Variants in TCF4 observed in about 807,000 individuals in gnomAD.
TCF4 encodes the protein transcription factor 4, also known as SL3-3 enhancer factor 2.
TCF4 carries 3 observed loss-of-function variants against 82.1 expected under a neutral mutation model. That is an observed-to-expected ratio of 0.04 (90% confidence interval 0.02 to 0.09). The LOEUF is 0.09. Ranked by LOEUF, TCF4 falls within the 10% of genes least tolerant of loss-of-function variation. The probability of loss-of-function intolerance (pLI) is 1.00; values close to 1 mark genes in which losing one functional copy is unlikely to be tolerated. For synonymous variants in TCF4, 276 were observed against 309.6 expected (o/e 0.89, Z 1.14); for missense variants, 518 against 852.7 (o/e 0.61, Z 4.89).
intron 3 of TCF4, among the ~76,000 whole-genome samples, chr18:55,539,621 C>T (rs1236692168): frequency 2.6e-5 from 4 of 152,092 alleles, no homozygotes; most frequent in Admixed American, 1.3e-4. Flanking sequence ...ACAAACTTAT[C>T]CACTGTGGAC....
intron 3 of TCF4, among the ~76,000 whole-genome samples, chr18:55,468,891 C>CCAA (rs57616325): frequency 5.5e-5 from 7 of 127,798 alleles, no homozygotes; most frequent in African/African-American, 1.2e-4. Flanking sequence ...GCCCCCCCCC[C>CCAA]CCTTGTTCTA....
intron 16 of TCF4, 130 bp downstream of exon 16, chr18:55,234,418 A>G: frequency 7.4e-7 from 1 of 1,350,920 alleles, no homozygotes; most frequent in Non-Finnish European, 1.0e-6. Flanking sequence ...TTTCCTTACC[A>G]TTTTTGTGCC....
chr18:55,234,382 C>T (rs764141221), intron 16 of TCF4, 166 bp downstream of exon 16: 85 of 875,502 alleles, frequency 9.7e-5, no homozygotes, highest in Non-Finnish European at 1.3e-4. Flanking sequence ...ACACAATTAG[C>T]GGGCGAAGTT....
chr18:55,265,351 C>T (rs890871495), intron 11 of TCF4: 1 of 152,148 alleles, frequency 6.6e-6, no homozygotes, highest in East Asian at 1.9e-4. Context: ...ATGTGCTTAT[C>T]TATAAAGATG....
At chr18:55,385,218 C>G (rs761392757) in intron 6 of TCF4, among the ~76,000 whole-genome samples, 5 of 152,130 alleles carry the variant, frequency 3.3e-5, no homozygotes, top group Non-Finnish European at 5.9e-5. Context: ...CAGCATCAGC[C>G]TGTTTTAGAT....
intron 5 of TCF4, among the ~76,000 whole-genome samples, chr18:55,433,197 A>G (rs1466012891): frequency 6.6e-6 from 1 of 152,224 alleles, no homozygotes; most frequent in Non-Finnish European, 1.5e-5. Context: ...CTGTGTGCTA[A>G]GCCCAAAACA....
At chr18:55,234,238 C>T (rs932179709) in intron 16 of TCF4, among the ~76,000 whole-genome samples, 5 of 152,298 alleles carry the variant, frequency 3.3e-5, no homozygotes, top group Middle Eastern at 3.4e-3. Context: ...CAACTAACCA[C>T]ATTAGAGGAC....
At chr18:55,275,569 G>A (rs2061352505) in intron 10 of TCF4, 50 bp downstream of exon 10, 3 of 1,612,870 alleles carry the variant, frequency 1.9e-6, no homozygotes, top group African/African-American at 1.3e-5. Context: ...AGAGGACGAG[G>A]TTTAATCAAC....
At chr18:55,313,394 T>C (rs986834604) in intron 8 of TCF4, among the ~76,000 whole-genome samples, 3 of 152,154 alleles carry the variant, frequency 2.0e-5, no homozygotes, top group Non-Finnish European at 4.4e-5. Flanking sequence ...TAGTGTTAAC[T>C]AGTATCTTGC....
At position 55,253,493 on chromosome 18, in the gene TCF4, T is replaced by C. The variant is rs375897776; in HGVS notation, c.1350+1004A>G. On this transcript the variant is annotated intron_variant, in intron 15 of 19. Coordinates refer to ENST00000354452, the MANE Select transcript of TCF4 (RefSeq NM_001083962.2). ...CCACCACTCTGGTCACCTCATTAAT[T>C]GTCATCACTTAATATTCTATTAAGA... is the stretch of plus-strand genomic sequence containing the variant. Among the ~76,000 whole-genome samples the C allele has an allele frequency of 7.2e-5, 11 of 152,270 alleles. No homozygotes were observed. The East Asian group carries it at 1.2e-3, about 16-fold the overall frequency.
intron 5 of TCF4, among the ~76,000 whole-genome samples, chr18:55,409,753 C>T (rs1054641634): frequency 6.6e-6 from 1 of 151,894 alleles, no homozygotes; most frequent in Non-Finnish European, 1.5e-5. Flanking sequence ...ATTTAATTTG[C>T]TGGTTTCTAT....
Position 55,229,571 on chromosome 18 carries a change from T to C in TCF4, c.1650-495A>G, listed in dbSNP as rs566096161. On this transcript the variant is annotated intron_variant, in intron 17 of 19. Coordinates refer to ENST00000354452, the MANE Select transcript of TCF4 (RefSeq NM_001083962.2). ...GTAATTGAAAAATGATTTTGATAGG[T>C]CAAAAAAATACAAGGCAGCTTAACA... The C allele has an allele frequency of 1.2e-3, 199 of 172,224 alleles. 1 individual carries two copies. Among genetic ancestry groups the C allele is most frequent in the African/African-American group, 4.6e-3 (193 of 41,568 alleles). The allele number at this position is 172,224 out of a possible 1,614,324, so 10.7% of individuals were successfully genotyped here.
At chr18:55,623,761 G>C (rs2097723862) in intron 2 of TCF4, among the ~76,000 whole-genome samples, 2 of 152,124 alleles carry the variant, frequency 1.3e-5, no homozygotes, top group Non-Finnish European at 2.9e-5. Context: ...TCCCATTAGT[G>C]TGAATTGGAG....
chr18:55,527,337 AAG>A (rs1415809303), intron 3 of TCF4, among the ~76,000 whole-genome samples: 1 of 152,228 alleles, frequency 6.6e-6, no homozygotes, highest in East Asian at 1.9e-4. Context: ...AGCTATCTGG[AAG>A]AGTCTTTGTC....
In TCF4 at chr18:55,222,895, T is replaced by C. The variant is rs561390320; in HGVS notation, c.*5140A>G. 6.5e-6 allele frequency: 1 copy of C among 152,796 alleles called. No individual in the cohort carries two copies. The highest frequency in any genetic ancestry group is 2.1e-4 in the South Asian group (1 of 4,826). 9.5% of individuals were successfully genotyped at this position (152,796 alleles called of 1,614,324 possible). On this transcript the variant is annotated 3_prime_UTR_variant, in exon 20 of 20. Transcript: ENST00000354452. ...ATCTGGTTGTTTACATCTGGATTAA[T>C]AGTCAACAGAGGCAACCAGAAGTGG...
intron 5 of TCF4, among the ~76,000 whole-genome samples, chr18:55,430,661 A>G (rs1389741981): frequency 1.3e-5 from 2 of 151,782 alleles, no homozygotes; most frequent in Non-Finnish European, 2.9e-5. Context: ...AAGAGTAGTG[A>G]GCGAAACAGA....
chr18:55,516,253 CA>C (rs1396279225), intron 3 of TCF4, among the ~76,000 whole-genome samples: 1 of 152,080 alleles, frequency 6.6e-6, no homozygotes, highest in Non-Finnish European at 1.5e-5. Flanking sequence ...GACTCTTAAA[CA>C]GGGATGACAG....
At chr18:55,586,180 CAGCAGCAGCAG>C (rs2097648027) in intron 2 of TCF4, 3 of 617,062 alleles carry the variant, frequency 4.9e-6, no homozygotes, top group Non-Finnish European at 4.5e-6. Context: ...GCAGCAGCAG[CAGCAGCAGCAG>C]CAGCAGCAGC....
intron 5 of TCF4, among the ~76,000 whole-genome samples, chr18:55,415,387 CA>C (rs979770024): frequency 6.6e-6 from 1 of 151,546 alleles, no homozygotes; most frequent in Non-Finnish European, 1.5e-5. Flanking sequence ...AAACAAAAAA[CA>C]AAAAAAACCC....
Sources: gnomAD v4.1 joint callset for allele counts (sites outside exome capture counted in the v4.1 genomes callset) on GRCh38, gnomAD v4.1.1 for gene constraint, MANE v1.5 for transcripts, NCBI Gene and HGNC (gene_info 2026-07-23, HGNC 2026-07-21) for gene names.